DLGAP2: variants seen among roughly 807,000 people sequenced by gnomAD.
DLGAP2 encodes DLG associated protein 2, also known as disks large-associated protein 2.
DLGAP2 carries 26 observed loss-of-function variants against 100.3 expected under a neutral mutation model. The ratio of observed to expected loss-of-function variants is 0.26; its 90% CI spans 0.19 to 0.36. The LOEUF (loss-of-function observed/expected upper bound fraction) is 0.36. Ranked by LOEUF, DLGAP2 falls within the 10% of genes least tolerant of loss-of-function variation. The pLI, the probability that DLGAP2 is intolerant of heterozygous loss-of-function variation, is 1.00. For synonymous variants in DLGAP2, 886 were observed against 630.1 expected (o/e 1.41, Z -6.08); for missense variants, 1,858 against 1,453.2 (o/e 1.28, Z -4.53).
chr8:1,100,714 C>T lies in DLGAP2; in HGVS notation c.74-158137C>T, dbSNP rs548541723. Among the ~76,000 whole-genome samples the T allele has an allele frequency of 6.4e-4, 97 of 152,280 alleles. 1 individual carries two copies. The highest frequency in any genetic ancestry group is 3.5e-3 in the South Asian group (17 of 4,816). On this transcript the variant is annotated intron_variant, in intron 2 of 14. Coordinates refer to ENST00000637795, the MANE Select transcript of DLGAP2 (RefSeq NM_001346810.2). Reference sequence around the variant, plus strand: ...TTGGCGCGCCTGTTGCATTTCAGCTCCTTTTGACTTCATTCTCTTTCCACG... The same window carrying T: ...TTGGCGCGCCTGTTGCATTTCAGCTTCTTTTGACTTCATTCTCTTTCCACG...
intron 3 of DLGAP2, among the ~76,000 whole-genome samples, chr8:1,422,534 G>T (rs1337221745): frequency 1.3e-5 from 2 of 149,860 alleles, no homozygotes; most frequent in Non-Finnish European, 3.0e-5. Flanking sequence ...AGGCAGAAGA[G>T]TGTTTGGAAA....
chr8:1,178,956 C>G (rs898477703), intron 2 of DLGAP2, among the ~76,000 whole-genome samples: 2 of 151,664 alleles, frequency 1.3e-5, no homozygotes, highest in African/African-American at 4.8e-5. Context: ...CCCACGCCGC[C>G]CTGGTCTCGT....
intron 2 of DLGAP2, among the ~76,000 whole-genome samples, chr8:1,095,228 A>G (rs1259335503): frequency 6.6e-6 from 1 of 152,206 alleles, no homozygotes; most frequent in African/African-American, 2.4e-5. Flanking sequence ...ACAAAAGCAC[A>G]GGAATGGAGG....
chr8:1,378,751 C>T (rs1481061846), intron 3 of DLGAP2, among the ~76,000 whole-genome samples: 2 of 152,238 alleles, frequency 1.3e-5, no homozygotes, highest in Non-Finnish European at 2.9e-5. Flanking sequence ...TTCTAATTTA[C>T]ATTCTCACTT....
chr8:929,975 G>T (rs1399808257), intron 2 of DLGAP2, among the ~76,000 whole-genome samples: 1 of 151,954 alleles, frequency 6.6e-6, no homozygotes, highest in Non-Finnish European at 1.5e-5. Flanking sequence ...TGCCATTGCA[G>T]TTCTAATTTT....
intron 2 of DLGAP2, among the ~76,000 whole-genome samples, chr8:1,235,086 C>G (rs1798616489): frequency 6.6e-6 from 1 of 151,146 alleles, no homozygotes; most frequent in South Asian, 2.1e-4. Context: ...AGTTCCCTCT[C>G]ACATGGCGTC....
Position 1,652,741 on chromosome 8 carries a change from C to G in DLGAP2, c.1811-15588C>G, listed in dbSNP as rs573636468. Reference sequence around the variant, plus strand: ...CGTCTGTTTCTGTCATTCTTGAAGTCAGGGTCAGATCTTTATTTTAAAATA... The same window carrying G: ...CGTCTGTTTCTGTCATTCTTGAAGTGAGGGTCAGATCTTTATTTTAAAATA... On this transcript the variant is annotated intron_variant, in intron 8 of 14. Transcript: ENST00000637795. Among the ~76,000 whole-genome samples the G allele has an allele frequency of 3.3e-4, 51 of 152,308 alleles. 1 individual carries two copies. Among genetic ancestry groups the G allele is most frequent in the African/African-American group, 1.1e-3 (44 of 41,566 alleles).
intron 2 of DLGAP2, among the ~76,000 whole-genome samples, chr8:1,071,954 C>CT (rs1483013865): frequency 6.6e-6 from 1 of 152,204 alleles, no homozygotes; most frequent in African/African-American, 2.4e-5. Flanking sequence ...GGGTGCCGTG[C>CT]TGGCTGTACG....
At chr8:1,497,046 C>T (rs796284258) in intron 3 of DLGAP2, among the ~76,000 whole-genome samples, 2 of 152,290 alleles carry the variant, frequency 1.3e-5, no homozygotes, top group African/African-American at 4.8e-5. Context: ...CATCAAGCTC[C>T]AGCAGATGAG....
chr8:1,320,116 G>C (rs571418642), intron 3 of DLGAP2, among the ~76,000 whole-genome samples: 1 of 152,256 alleles, frequency 6.6e-6, no homozygotes, highest in South Asian at 2.1e-4. Flanking sequence ...CCATGAGAGT[G>C]AGGTGAGGAA....
chr8:1,537,779 A>AC (rs1235023766), intron 4 of DLGAP2, among the ~76,000 whole-genome samples: 14 of 152,194 alleles, frequency 9.2e-5, no homozygotes, highest in African/African-American at 3.4e-4. Flanking sequence ...GGAAGGAAGG[A>AC]AGGAAGGACA....
At chr8:1,481,966 A>T (rs1366453887) in intron 3 of DLGAP2, among the ~76,000 whole-genome samples, 1 of 152,196 alleles carries the variant, frequency 6.6e-6, no homozygotes, top group Non-Finnish European at 1.5e-5. Flanking sequence ...AGGGCCAGGT[A>T]GGAGGGGCCC....
intron 2 of DLGAP2, among the ~76,000 whole-genome samples, chr8:1,145,464 C>T (rs1353813737): frequency 3.3e-5 from 5 of 152,162 alleles, no homozygotes; most frequent in African/African-American, 9.7e-5. Context: ...GTCTCCCGTC[C>T]TGTGGGTGTG....
At position 1,289,677 on chromosome 8, in the gene DLGAP2, C is replaced by G. The variant is rs140783964; in HGVS notation, c.106+30794C>G. Among the ~76,000 whole-genome samples, 927 of 152,302 alleles carry G rather than the reference C, an allele frequency of 6.1e-3. 10 individuals carry two copies. The highest frequency in any genetic ancestry group is 0.02 in the African/African-American group (845 of 41,548). On this transcript the variant is annotated intron_variant, in intron 3 of 14. Coordinates refer to ENST00000637795, the MANE Select transcript of DLGAP2 (RefSeq NM_001346810.2). ...TTTGAGATGGATGGTGAAGCCTCCA[C>G]TGTGCAGTGTTCTCACAGAAGTACC...
At chr8:1,437,952 C>T (rs1052195735) in intron 3 of DLGAP2, among the ~76,000 whole-genome samples, 1 of 152,108 alleles carries the variant, frequency 6.6e-6, no homozygotes, top group East Asian at 1.9e-4. Context: ...CACCACTGCA[C>T]TCCAGCCTGG....
intron 3 of DLGAP2, among the ~76,000 whole-genome samples, chr8:1,303,863 C>G (rs1800426098): frequency 6.6e-6 from 1 of 152,196 alleles, no homozygotes; most frequent in Non-Finnish European, 1.5e-5. Flanking sequence ...TCTGGATGGC[C>G]TGCCTCTGGC....
intron 2 of DLGAP2, among the ~76,000 whole-genome samples, chr8:1,138,204 C>A (rs895648292): frequency 6.6e-6 from 1 of 152,238 alleles, no homozygotes; most frequent in Non-Finnish European, 1.5e-5. Context: ...AGCGCAGCTC[C>A]TGGGTGGCTT....
At chr8:1,351,260 CGGCCGTGCGGGTCCTGACTGTGT>C (rs1801716386) in intron 3 of DLGAP2, among the ~76,000 whole-genome samples, 1 of 9,016 alleles carries the variant, frequency 1.1e-4, no homozygotes, top group Non-Finnish European at 2.3e-4. Flanking sequence ...GTGTGTGGAA[CGGCCGTGCGGGTCCTGACTGTGT>C]GTGGAAAGGC....
At chr8:747,357 A>G (rs1820648406) in intron 1 of DLGAP2, among the ~76,000 whole-genome samples, 1 of 152,090 alleles carries the variant, frequency 6.6e-6, no homozygotes, top group African/African-American at 2.4e-5. Flanking sequence ...TGCACCATTT[A>G]CCATGCTCCG....
Sources: allele counts gnomAD v4.1 joint callset (sites outside exome capture counted in the v4.1 genomes callset), GRCh38; gene constraint gnomAD v4.1.1; transcripts MANE v1.5; gene names NCBI Gene and HGNC (gene_info 2026-07-23, HGNC 2026-07-21).